PRKG1: variants seen among roughly 807,000 people sequenced by gnomAD.
PRKG1 encodes cGMP-dependent protein kinase 1.
In PRKG1, 35 loss-of-function variants were observed where a neutral mutation model predicts 88.1. The ratio of observed to expected loss-of-function variants is 0.40; its 90% CI spans 0.30 to 0.53. The LOEUF (loss-of-function observed/expected upper bound fraction) is 0.53. PRKG1 is among the 20% of genes least tolerant of loss of function. The pLI is 0.59. For synonymous variants in PRKG1, 303 were observed against 292.5 expected (o/e 1.04, Z -0.37); for missense variants, 540 against 839.8 (o/e 0.64, Z 4.41).
chr10:51,916,722 A>T (rs1842347995), intron 5 of PRKG1, among the ~76,000 whole-genome samples: 1 of 152,240 alleles, frequency 6.6e-6, no homozygotes, highest in African/African-American at 2.4e-5. Flanking sequence ...TTACACACAA[A>T]GGTTGATAGC....
intron 5 of PRKG1, chr10:51,908,733 A>ATTTTT (rs60587885): frequency 1.5e-5 from 2 of 131,666 alleles, no homozygotes; most frequent in Admixed American, 7.7e-5. Context: ...ATCTATATGT[A>ATTTTT]ATTTTTTTTT....
intron 1 of PRKG1, among the ~76,000 whole-genome samples, chr10:51,076,523 C>G (rs1843956531): frequency 6.6e-6 from 1 of 152,210 alleles, no homozygotes; most frequent in African/African-American, 2.4e-5. Flanking sequence ...ATTTTTGTAT[C>G]CGCAGGACTT....
At chr10:52,031,719 T>C (rs1845479146) in intron 5 of PRKG1, among the ~76,000 whole-genome samples, 1 of 152,212 alleles carries the variant, frequency 6.6e-6, no homozygotes, top group Non-Finnish European at 1.5e-5. Flanking sequence ...ATGGACTCTG[T>C]TCTAATTTGG....
chr10:51,448,577 A>T (rs1329957258), intron 2 of PRKG1, among the ~76,000 whole-genome samples: 1 of 152,118 alleles, frequency 6.6e-6, no homozygotes, highest in Non-Finnish European at 1.5e-5. Flanking sequence ...CCAGCTTGTA[A>T]TATTTTTTCA....
At chr10:51,973,932 G>T (rs1843767940) in intron 5 of PRKG1, among the ~76,000 whole-genome samples, 1 of 152,042 alleles carries the variant, frequency 6.6e-6, no homozygotes, top group African/African-American at 2.4e-5. Flanking sequence ...AAAGTCAGAA[G>T]AATATGTTAT....
intron 1 of PRKG1, among the ~76,000 whole-genome samples, chr10:51,010,860 T>G (rs544954961): frequency 2.0e-5 from 3 of 152,366 alleles, no homozygotes; most frequent in Non-Finnish European, 4.4e-5. Context: ...TACATTTTTG[T>G]TGAATTTACA....
intron 3 of PRKG1, among the ~76,000 whole-genome samples, chr10:51,469,095 A>T (rs1839980894): frequency 6.6e-6 from 1 of 151,822 alleles, no homozygotes; most frequent in African/African-American, 2.4e-5. Context: ...AGCTCAAAGA[A>T]TGAGACTCAG....
At chr10:52,107,536 T>C (rs190696567) in intron 7 of PRKG1, among the ~76,000 whole-genome samples, 31 of 152,346 alleles carry the variant, frequency 2.0e-4, no homozygotes, top group Non-Finnish European at 4.1e-4. Context: ...ATATTTATAA[T>C]ATGCACAACA....
At chr10:51,223,501 C>A (rs759399876) in intron 2 of PRKG1, among the ~76,000 whole-genome samples, 4 of 152,108 alleles carry the variant, frequency 2.6e-5, no homozygotes. Flanking sequence ...TACACACATA[C>A]ACGAGTGAAT....
chr10:51,046,837 C>T (rs139598384), intron 1 of PRKG1, among the ~76,000 whole-genome samples: 36 of 152,222 alleles, frequency 2.4e-4, no homozygotes, highest in African/African-American at 5.1e-4. Flanking sequence ...TTAATACTGT[C>T]GGGTGATTCA....
intron 1 of PRKG1, among the ~76,000 whole-genome samples, chr10:51,090,739 A>C (rs1270864037): frequency 1.3e-5 from 2 of 152,210 alleles, no homozygotes; most frequent in African/African-American, 4.8e-5. Flanking sequence ...CAGCCACTAT[A>C]TATGTAGACT....
chr10:51,716,062 C>T (rs1002708876), intron 3 of PRKG1, among the ~76,000 whole-genome samples: 3 of 152,208 alleles, frequency 2.0e-5, no homozygotes, highest in Admixed American at 1.3e-4. Context: ...ATATTCTTTG[C>T]TTTGCAGCGT....
At chr10:51,385,072 G>A (rs569916780) in intron 2 of PRKG1, among the ~76,000 whole-genome samples, 5 of 152,164 alleles carry the variant, frequency 3.3e-5, no homozygotes, top group Non-Finnish European at 5.9e-5. Flanking sequence ...CCTAATGGAT[G>A]TTTTCATTAG....
intron 3 of PRKG1, among the ~76,000 whole-genome samples, chr10:51,508,204 C>A (rs1841284356): frequency 6.6e-6 from 1 of 152,218 alleles, no homozygotes. Context: ...AGTGTTAATG[C>A]TCAAGAAAGT....
chr10:52,090,596 A>C (rs937400840), intron 7 of PRKG1, among the ~76,000 whole-genome samples: 3 of 152,200 alleles, frequency 2.0e-5, no homozygotes, highest in African/African-American at 7.2e-5. Context: ...ATGAGTTCAA[A>C]CTTTAAGGTG....
chr10:51,146,855 T>C (rs1845958412), intron 1 of PRKG1, among the ~76,000 whole-genome samples: 1 of 152,212 alleles, frequency 6.6e-6, no homozygotes, highest in Non-Finnish European at 1.5e-5. Context: ...CCATATTTAT[T>C]GCAGCACTAG....
chr10:51,901,931 AAAT>A (rs1371019100), intron 4 of PRKG1, among the ~76,000 whole-genome samples: 5 of 152,134 alleles, frequency 3.3e-5, no homozygotes, highest in African/African-American at 9.7e-5. Flanking sequence ...TATCATTGAT[AAAT>A]AATAATTACA....
At chr10:51,449,647 C>T in intron 2 of PRKG1, among the ~76,000 whole-genome samples, 1 of 46,006 alleles carries the variant, frequency 2.2e-5, no homozygotes, top group South Asian at 5.3e-4. Flanking sequence ...TGCACTAACA[C>T]CGGAGTTTTC....
At chr10:51,973,494 G>T (rs75906666) in intron 5 of PRKG1, among the ~76,000 whole-genome samples, 10,414 of 152,160 alleles carry the variant, frequency 0.068, 955 homozygotes, top group African/African-American at 0.21. Context: ...TTCTCTTGAA[G>T]AAACTGCTTT....
Sources: gnomAD v4.1 joint callset for allele counts (sites outside exome capture counted in the v4.1 genomes callset) on GRCh38, gnomAD v4.1.1 for gene constraint, MANE v1.5 for transcripts, NCBI Gene and HGNC (gene_info 2026-07-23, HGNC 2026-07-21) for gene names.